MUSK: variants seen among roughly 807,000 people sequenced by gnomAD.
MUSK encodes muscle, skeletal receptor tyrosine-protein kinase.
A neutral mutation model predicts 88.7 loss-of-function variants in MUSK; 55 were observed. That is an observed-to-expected ratio of 0.62 (90% confidence interval 0.50 to 0.78). The LOEUF is 0.78. Ranked by LOEUF, MUSK falls within the 30% of genes least tolerant of loss-of-function variation. The pLI is 0.00. For synonymous variants in MUSK, 387 were observed against 391.9 expected (o/e 0.99, Z 0.15); for missense variants, 1,015 against 1,074.3 (o/e 0.94, Z 0.77).
At chr9:110,724,479 C>A (rs1024965161) in intron 5 of MUSK, among the ~76,000 whole-genome samples, 12 of 151,844 alleles carry the variant, frequency 7.9e-5, no homozygotes, top group African/African-American at 2.9e-4. Flanking sequence ...CAATCCAGAC[C>A]CAGTCACTAA....
chr9:110,703,873 C>A (rs1029554342), intron 5 of MUSK, among the ~76,000 whole-genome samples: 12 of 152,196 alleles, frequency 7.9e-5, no homozygotes, highest in Admixed American at 2.6e-4. Context: ...TCTTCAAGTA[C>A]GTGAAGCATA....
chr9:110,722,816 T>C (rs1225932802), intron 5 of MUSK, among the ~76,000 whole-genome samples: 1 of 151,896 alleles, frequency 6.6e-6, no homozygotes, highest in Non-Finnish European at 1.5e-5. Flanking sequence ...ATCAGGGAAA[T>C]GCAAATCAAA....
chr9:110,696,288 A>G (rs539845773), intron 4 of MUSK, among the ~76,000 whole-genome samples: 41 of 152,126 alleles, frequency 2.7e-4, no homozygotes, highest in African/African-American at 7.2e-4. Flanking sequence ...AAAAAAAAAA[A>G]AAGTTATTAT....
At chr9:110,694,483 C>T (rs1006696984) in intron 3 of MUSK, among the ~76,000 whole-genome samples, 3 of 151,632 alleles carry the variant, frequency 2.0e-5, no homozygotes, top group African/African-American at 4.8e-5. Flanking sequence ...GCCCCCATTC[C>T]TCTCCCTCAC....
chr9:110,759,097 G>A (rs953294957), intron 7 of MUSK, among the ~76,000 whole-genome samples: 1 of 152,172 alleles, frequency 6.6e-6, no homozygotes, highest in Non-Finnish European at 1.5e-5. Flanking sequence ...CAGGACTGCA[G>A]TAACCAAAAC....
intron 11 of MUSK, among the ~76,000 whole-genome samples, chr9:110,779,907 T>C (rs923523543): frequency 2.6e-5 from 4 of 152,200 alleles, no homozygotes; most frequent in Admixed American, 6.5e-5. Flanking sequence ...TCTTTACCAA[T>C]GTAAAATGTC....
chr9:110,675,662 T>C (rs1049205737), intron 1 of MUSK, among the ~76,000 whole-genome samples: 2 of 136,010 alleles, frequency 1.5e-5, no homozygotes, highest in Non-Finnish European at 3.1e-5. Context: ...CTCCACCTCC[T>C]GGGTTCAAGT....
intron 8 of MUSK, 24 bp downstream of exon 8, chr9:110,762,232 T>G: frequency 2.2e-6 from 1 of 454,178 alleles, no homozygotes. Context: ...ATTGTAACAA[T>G]TGTTTCCAAT....
chr9:110,669,282 T>C (rs2075926886), intron 1 of MUSK, among the ~76,000 whole-genome samples: 1 of 152,190 alleles, frequency 6.6e-6, no homozygotes, highest in South Asian at 2.1e-4. Flanking sequence ...GTCTATTTTG[T>C]TTATGCGAAT....
chr9:110,771,161 CTTT>C (rs34185224), intron 9 of MUSK, among the ~76,000 whole-genome samples: 1 of 96,432 alleles, frequency 1.0e-5, no homozygotes, highest in South Asian at 4.0e-4. Flanking sequence ...TCATTTCCTT[CTTT>C]TTTTTTTTTT....
chr9:110,699,205 G>A (rs62571358), intron 5 of MUSK, among the ~76,000 whole-genome samples: 152 of 152,040 alleles, frequency 1.0e-3, no homozygotes, highest in Non-Finnish European at 1.8e-3. Context: ...CTCTTTTCTC[G>A]TAACCTTTAA....
chr9:110,696,629 T>C (rs1305359451), intron 4 of MUSK, among the ~76,000 whole-genome samples: 1 of 152,162 alleles, frequency 6.6e-6, no homozygotes, highest in Non-Finnish European at 1.5e-5. Context: ...TGTACTTATG[T>C]TACTGAATTT....
At chr9:110,747,551 A>G in intron 6 of MUSK, 90 bp from the exon 7 acceptor site, 2 of 1,349,808 alleles carry the variant, frequency 1.5e-6, no homozygotes, top group East Asian at 4.6e-5. Context: ...GCACTTGATT[A>G]TAATCTTAAT....
At chr9:110,675,336 C>T (rs1456310324) in intron 1 of MUSK, among the ~76,000 whole-genome samples, 3 of 150,296 alleles carry the variant, frequency 2.0e-5, no homozygotes, top group Non-Finnish European at 4.4e-5. Flanking sequence ...ATTCTCCTGC[C>T]TCAGCCTCCC....
At chr9:110,789,896 G>A (rs901357375) in intron 14 of MUSK, among the ~76,000 whole-genome samples, 1 of 152,208 alleles carries the variant, frequency 6.6e-6, no homozygotes, top group Non-Finnish European at 1.5e-5. Context: ...GATCTGGTTA[G>A]ACATGAATCC....
chr9:110,686,607 C>A (rs539518390), intron 2 of MUSK, among the ~76,000 whole-genome samples: 4 of 152,146 alleles, frequency 2.6e-5, no homozygotes, highest in African/African-American at 9.6e-5. Context: ...GTTTTCCTCC[C>A]TTATGTATCC....
chr9:110,699,390 C>T (rs1278758319), intron 5 of MUSK, among the ~76,000 whole-genome samples: 1 of 152,014 alleles, frequency 6.6e-6, no homozygotes, highest in African/African-American at 2.4e-5. Context: ...ATTAAAATAG[C>T]CAAAATATGT....
At chr9:110,688,329 C>T (rs2076224455) in intron 3 of MUSK, among the ~76,000 whole-genome samples, 1 of 152,072 alleles carries the variant, frequency 6.6e-6, no homozygotes, top group African/African-American at 2.4e-5. Context: ...AATTCCTTGA[C>T]CTGCAGAAAT....
chr9:110,760,618 G>A (rs961038471), intron 7 of MUSK, among the ~76,000 whole-genome samples: 3 of 151,884 alleles, frequency 2.0e-5, no homozygotes, highest in African/African-American at 4.8e-5. Flanking sequence ...AACAACTTTC[G>A]GGCACTATGG....
Sources: allele counts gnomAD v4.1 joint callset (sites outside exome capture counted in the v4.1 genomes callset), GRCh38; gene constraint gnomAD v4.1.1; transcripts MANE v1.5; gene names NCBI Gene and HGNC (gene_info 2026-07-23, HGNC 2026-07-21).